Variants in ADK observed in about 807,000 individuals in gnomAD.
The protein encoded by ADK is adenosine kinase.
A neutral mutation model predicts 44.7 loss-of-function variants in ADK; 24 were observed. The observed-to-expected ratio is 0.54, with a 90% CI of 0.39 to 0.76. The LOEUF (loss-of-function observed/expected upper bound fraction) is 0.76, where lower values mean the gene tolerates loss of function less well. ADK is among the 30% of genes least tolerant of loss of function. The pLI, the probability that ADK is intolerant of heterozygous loss-of-function variation, is 0.00. For missense variants in ADK, 321 were observed against 425.1 expected (o/e 0.76, Z 2.15); for synonymous variants, 128 against 142.6 (o/e 0.90, Z 0.73).
At chr10:74,592,652 T>C (rs1046925474) in intron 8 of ADK, among the ~76,000 whole-genome samples, 9 of 152,090 alleles carry the variant, frequency 5.9e-5, no homozygotes, top group African/African-American at 2.2e-4. Context: ...CCTTTTCGCC[T>C]TTTTCACTTC....
intron 9 of ADK, among the ~76,000 whole-genome samples, chr10:74,612,243 T>A (rs1852581802): frequency 6.6e-6 from 1 of 152,172 alleles, no homozygotes; most frequent in African/African-American, 2.4e-5. Context: ...TTTCATATGT[T>A]TGTTGGCTGC....
At chr10:74,465,766 G>A (rs964540171) in intron 6 of ADK, among the ~76,000 whole-genome samples, 2 of 152,098 alleles carry the variant, frequency 1.3e-5, no homozygotes, top group Admixed American at 1.3e-4. Context: ...GAGGGTAAAT[G>A]GGGATAATTT....
intron 10 of ADK, among the ~76,000 whole-genome samples, chr10:74,678,704 A>T (rs1213983024): frequency 3.3e-5 from 5 of 152,198 alleles, no homozygotes; most frequent in African/African-American, 1.2e-4. Context: ...TTGATATGGA[A>T]ATTTTTATTT....
Position 74,589,311 on chromosome 10 carries a change from C to G in ADK, c.756C>G (p.Gly252=). 6.2e-7 allele frequency: 1 copy of G among 1,613,142 alleles called. No homozygotes were observed. The highest frequency in any genetic ancestry group is 8.5e-7 in the Non-Finnish European group (1 of 1,179,716). ...TEAATFAREQ[G]FETKDIKEIA... is the part of the protein sequence containing the mutation. Reference sequence around the variant, plus strand: ...CTGCCACTTTTGCTAGAGAGCAAGGCTTTGAGGTGAGTTAACCCACAATTG... The same window carrying G: ...CTGCCACTTTTGCTAGAGAGCAAGGGTTTGAGGTGAGTTAACCCACAATTG... Residue 252 remains glycine, a synonymous_variant, in exon 8 of 11, where the codon GGC becomes GGG. Transcript: ENST00000539909.
intron 4 of ADK, among the ~76,000 whole-genome samples, chr10:74,391,767 G>T (rs1382279185): frequency 6.6e-6 from 1 of 151,014 alleles, no homozygotes; most frequent in Non-Finnish European, 1.5e-5. Context: ...GTACCAATTA[G>T]TATACGCATG....
chr10:74,482,320 A>G (rs1226894949), intron 6 of ADK, among the ~76,000 whole-genome samples: 1 of 152,178 alleles, frequency 6.6e-6, no homozygotes, highest in Non-Finnish European at 1.5e-5. Context: ...TTAAACAACT[A>G]TAGCTCATTG....
At chr10:74,493,158 A>G (rs1033556526) in intron 6 of ADK, among the ~76,000 whole-genome samples, 2 of 152,032 alleles carry the variant, frequency 1.3e-5, no homozygotes, top group African/African-American at 4.8e-5. Flanking sequence ...TGTAGGGTAT[A>G]AGATAATGCA....
At chr10:74,210,908 A>G (rs1415433635) in intron 2 of ADK, among the ~76,000 whole-genome samples, 2 of 151,914 alleles carry the variant, frequency 1.3e-5, no homozygotes, top group Non-Finnish European at 2.9e-5. Context: ...TTTCTTTGAG[A>G]TGAAGTTTCA....
intron 6 of ADK, among the ~76,000 whole-genome samples, chr10:74,508,112 G>A (rs927493756): frequency 2.0e-5 from 3 of 152,160 alleles, no homozygotes; most frequent in Non-Finnish European, 2.9e-5. Flanking sequence ...GAGTACTATC[G>A]TGGAGCACTT....
chr10:74,457,363 A>G (rs1845992147), intron 6 of ADK, among the ~76,000 whole-genome samples: 1 of 152,250 alleles, frequency 6.6e-6, no homozygotes, highest in Non-Finnish European at 1.5e-5. Context: ...AAAAAAGCCC[A>G]GGACCAGATG....
At chr10:74,594,635 A>C (rs79126327) in intron 8 of ADK, among the ~76,000 whole-genome samples, 1 of 151,580 alleles carries the variant, frequency 6.6e-6, no homozygotes, top group Non-Finnish European at 1.5e-5. Flanking sequence ...ATGCTGTCTG[A>C]AAGAGATGTA....
At position 74,636,030 on chromosome 10, in the gene ADK, A is replaced by G. The variant is rs138240732; in HGVS notation, c.878-34153A>G. 5.8e-3 allele frequency among the ~76,000 whole-genome samples: 887 copies of G among 152,150 alleles called. 5 individuals carry two copies. The highest frequency in any genetic ancestry group is 9.4e-3 in the Non-Finnish European group (637 of 67,982). ...TGGAGCCCAGGAGTTCAAGGCAGCA[A>G]CAGTCAGCCGTGATCACACCATTAC... On this transcript the variant is annotated intron_variant, in intron 9 of 10. Transcript: ENST00000539909.
chr10:74,283,509 GT>G (rs1239121888), intron 3 of ADK, among the ~76,000 whole-genome samples: 2 of 144,634 alleles, frequency 1.4e-5, no homozygotes, highest in Non-Finnish European at 3.0e-5. Flanking sequence ...AACTTATTTT[GT>G]CATACTAGAT....
At chr10:74,402,767 C>G (rs1308140992) in intron 6 of ADK, among the ~76,000 whole-genome samples, 1 of 152,200 alleles carries the variant, frequency 6.6e-6, no homozygotes, top group Non-Finnish European at 1.5e-5. Flanking sequence ...AAGTCATTCT[C>G]CATCCAGCTG....
At chr10:74,634,831 G>C (rs949020357) in intron 9 of ADK, among the ~76,000 whole-genome samples, 9 of 152,078 alleles carry the variant, frequency 5.9e-5, no homozygotes, top group African/African-American at 1.9e-4. Context: ...TATAGTCCCA[G>C]CTACTTGGTA....
At chr10:74,565,756 A>G (rs1850644872) in intron 7 of ADK, among the ~76,000 whole-genome samples, 1 of 151,480 alleles carries the variant, frequency 6.6e-6, no homozygotes. Flanking sequence ...AAAACCATGA[A>G]CCTTCCTTTA....
At chr10:74,460,005 T>G (rs2133235289) in intron 6 of ADK, among the ~76,000 whole-genome samples, 1 of 152,282 alleles carries the variant, frequency 6.6e-6, no homozygotes, top group East Asian at 1.9e-4. Flanking sequence ...ACTCACACTT[T>G]AAGAAGTAGG....
At position 74,187,521 on chromosome 10, in the gene ADK, T is replaced by C. The variant is rs193122527; in HGVS notation, c.66-13243T>C. Among the ~76,000 whole-genome samples the C allele has an allele frequency of 2.8e-3, 417 of 151,078 alleles. 8 individuals are homozygous for C. The East Asian group carries it at 0.035, about 13-fold the overall frequency. On this transcript the variant is annotated intron_variant, in intron 1 of 10. Transcript: ENST00000539909. ...GCACATACACACACACACACACTCTTTCTCTCTCTCTCTCTAAATATTTTC... is the reference window on the plus strand; with the variant it reads ...GCACATACACACACACACACACTCTCTCTCTCTCTCTCTCTAAATATTTTC...
intron 10 of ADK, among the ~76,000 whole-genome samples, chr10:74,671,069 A>T (rs1408476032): frequency 6.7e-6 from 1 of 148,756 alleles, no homozygotes; most frequent in African/African-American, 2.5e-5. Context: ...AAGCAAGTGG[A>T]GCTGATGATT....
Sources: gnomAD v4.1 joint callset for allele counts (sites outside exome capture counted in the v4.1 genomes callset) on GRCh38, gnomAD v4.1.1 for gene constraint, MANE v1.5 for transcripts, NCBI Gene and HGNC (gene_info 2026-07-23, HGNC 2026-07-21) for gene names.